ADARB2: variants seen among roughly 807,000 people sequenced by gnomAD.
ADARB2 encodes inactive double-stranded RNA-specific editase B2.
In ADARB2, 25 loss-of-function variants were observed where a neutral mutation model predicts 62.2. That is an observed-to-expected ratio of 0.40 (90% CI 0.29 to 0.56). ADARB2 has a LOEUF of 0.56. ADARB2 is among the 20% of genes least tolerant of loss of function. The pLI, the probability that ADARB2 is intolerant of heterozygous loss-of-function variation, is 0.43. For missense variants in ADARB2, 1,071 were observed against 1,077.4 expected (o/e 0.99, Z 0.08); for synonymous variants, 572 against 500.8 (o/e 1.14, Z -1.90).
intron 1 of ADARB2, among the ~76,000 whole-genome samples, chr10:1,544,679 C>T (rs895016668): frequency 1.3e-5 from 2 of 151,852 alleles, no homozygotes; most frequent in Non-Finnish European, 2.9e-5. Flanking sequence ...ATAGTCAATG[C>T]GATGTGTAAT....
chr10:1,687,317 C>T (rs187113603), intron 1 of ADARB2, among the ~76,000 whole-genome samples: 143 of 152,300 alleles, frequency 9.4e-4, no homozygotes, highest in Non-Finnish European at 1.5e-3. Flanking sequence ...TGAGCCACCA[C>T]GCCCAGGCGT....
At chr10:1,722,826 C>G (rs1473823924) in intron 1 of ADARB2, among the ~76,000 whole-genome samples, 1 of 152,216 alleles carries the variant, frequency 6.6e-6, no homozygotes, top group Admixed American at 6.5e-5. Flanking sequence ...TCAACGACCT[C>G]TGCAGTTTCC....
chr10:1,482,416 T>A (rs1831485952), intron 1 of ADARB2, among the ~76,000 whole-genome samples: 1 of 152,200 alleles, frequency 6.6e-6, no homozygotes. Context: ...CTAAGTGAGA[T>A]GAGCCGGCCA....
chr10:1,201,823 TG>T (rs1836991335), intron 7 of ADARB2, among the ~76,000 whole-genome samples: 1 of 100,856 alleles, frequency 9.9e-6, no homozygotes, highest in South Asian at 3.5e-4. Flanking sequence ...GGATCTCGGA[TG>T]GTGGGAGGAC....
intron 1 of ADARB2, among the ~76,000 whole-genome samples, chr10:1,718,827 A>G (rs577092722): frequency 2.6e-5 from 4 of 152,148 alleles, no homozygotes; most frequent in African/African-American, 7.2e-5. Flanking sequence ...ACTGTCCCTG[A>G]GCCTCTCGGC....
intron 2 of ADARB2, among the ~76,000 whole-genome samples, chr10:1,378,421 G>A (rs1358669746): frequency 6.6e-6 from 1 of 152,240 alleles, no homozygotes; most frequent in Non-Finnish European, 1.5e-5. Context: ...AAAGGAAGGA[G>A]AGGAGAGAAT....
chr10:1,582,497 G>C (rs1588311454), intron 1 of ADARB2, among the ~76,000 whole-genome samples: 1 of 152,182 alleles, frequency 6.6e-6, no homozygotes, highest in Non-Finnish European at 1.5e-5. Context: ...ATAAATCCAT[G>C]CATTTTTTTC....
In ADARB2 at chr10:1,289,633, T is replaced by A. The variant is rs370234733; in HGVS notation, c.1078-18564A>T. Among the ~76,000 whole-genome samples the A allele has an allele frequency of 8.9e-4, 135 of 152,366 alleles. 2 individuals are homozygous for A. The South Asian group carries it at 0.017, about 19-fold the overall frequency. On this transcript the variant is annotated intron_variant, in intron 3 of 9. Transcript: ENST00000381312. ...AGGCCTGGGCCTCCCACTGCCCACC[T>A]CCTGCTTCCTCTCACTGGCTCCGTG...
At chr10:1,470,983 C>A (rs867849719) in intron 1 of ADARB2, among the ~76,000 whole-genome samples, 1 of 152,058 alleles carries the variant, frequency 6.6e-6, no homozygotes, top group African/African-American at 2.4e-5. Context: ...GGCGTGAACC[C>A]GGGAGGCGGA....
At chr10:1,628,326 G>A (rs1833798013) in intron 1 of ADARB2, among the ~76,000 whole-genome samples, 1 of 152,258 alleles carries the variant, frequency 6.6e-6, no homozygotes, top group Admixed American at 6.5e-5. Flanking sequence ...TTCTACCGAT[G>A]TTAGGCTGCG....
intron 1 of ADARB2, among the ~76,000 whole-genome samples, chr10:1,519,363 G>A (rs531871599): frequency 2.0e-5 from 3 of 152,336 alleles, no homozygotes; most frequent in Admixed American, 1.3e-4. Flanking sequence ...TCATACACAT[G>A]CATTCTGTGT....
chr10:1,681,477 A>C (rs1333504008), intron 1 of ADARB2, among the ~76,000 whole-genome samples: 1 of 145,672 alleles, frequency 6.9e-6, no homozygotes, highest in African/African-American at 2.7e-5. Flanking sequence ...ATATAGCTTA[A>C]AAAATATTAA....
intron 7 of ADARB2, among the ~76,000 whole-genome samples, chr10:1,203,383 C>A (rs549384208): frequency 6.6e-6 from 1 of 152,180 alleles, no homozygotes; most frequent in Admixed American, 6.5e-5. Context: ...CCTGCAGGTG[C>A]GCCGGCATCA....
intron 1 of ADARB2, among the ~76,000 whole-genome samples, chr10:1,682,643 C>T (rs1388325518): frequency 6.6e-6 from 1 of 152,162 alleles, no homozygotes; most frequent in African/African-American, 2.4e-5. Flanking sequence ...AACTGCTTCT[C>T]AGGGTTCAAA....
chr10:1,682,082 T>C (rs12766674), intron 1 of ADARB2, among the ~76,000 whole-genome samples: 32,286 of 152,194 alleles, frequency 0.21, 3,521 homozygotes, highest in Non-Finnish European at 0.24. Flanking sequence ...TATTTAAAAT[T>C]GCTTTGAAAT....
chr10:1,489,203 A>G (rs1184630420), intron 1 of ADARB2, among the ~76,000 whole-genome samples: 5 of 152,222 alleles, frequency 3.3e-5, no homozygotes. Flanking sequence ...GCACTTGTGG[A>G]GGCCCACGGA....
intron 1 of ADARB2, among the ~76,000 whole-genome samples, chr10:1,405,111 C>G (rs1832696426): frequency 6.6e-6 from 1 of 152,338 alleles, no homozygotes; most frequent in East Asian, 1.9e-4. Flanking sequence ...TGACAAACCA[C>G]AGAGGTAACG....
At chr10:1,427,017 G>A (rs571567771) in intron 1 of ADARB2, among the ~76,000 whole-genome samples, 1 of 152,368 alleles carries the variant, frequency 6.6e-6, no homozygotes, top group South Asian at 2.1e-4. Flanking sequence ...GTACTCCGCT[G>A]GGCTCCAGGG....
chr10:1,571,190 T>A (rs1832928814), intron 1 of ADARB2, among the ~76,000 whole-genome samples: 1 of 152,150 alleles, frequency 6.6e-6, no homozygotes, highest in South Asian at 2.1e-4. Context: ...CATTTGAACA[T>A]CTGCCATCCA....
Sources: allele counts gnomAD v4.1 joint callset (sites outside exome capture counted in the v4.1 genomes callset), GRCh38; gene constraint gnomAD v4.1.1; transcripts MANE v1.5; gene names NCBI Gene and HGNC (gene_info 2026-07-23, HGNC 2026-07-21).